FER: variants seen among roughly 807,000 people sequenced by gnomAD.
FER encodes the protein FER tyrosine kinase, also known as tyrosine-protein kinase Fer.
Under a neutral mutation model 111.0 loss-of-function variants are expected in FER, and 63 were observed. The ratio of observed to expected loss-of-function variants is 0.57; its 90% CI spans 0.46 to 0.70. FER has a LOEUF of 0.70. FER is among the 30% of genes least tolerant of loss of function. The pLI, the probability that FER is intolerant of heterozygous loss-of-function variation, is 0.00. For synonymous variants in FER, 327 were observed against 313.9 expected (o/e 1.04, Z -0.44); for missense variants, 914 against 954.0 (o/e 0.96, Z 0.55).
intron 13 of FER, among the ~76,000 whole-genome samples, chr5:108,983,628 T>C (rs919974483): frequency 6.6e-6 from 1 of 152,052 alleles, no homozygotes; most frequent in Admixed American, 6.6e-5. Flanking sequence ...ATGGAATTCC[T>C]AAGTTGAGAG....
intron 13 of FER, among the ~76,000 whole-genome samples, chr5:108,987,752 A>G (rs1211123349): frequency 1.3e-5 from 2 of 152,290 alleles, no homozygotes; most frequent in East Asian, 1.9e-4. Context: ...CAACAGTTTA[A>G]TATCCTCTTT....
intron 1 of FER, among the ~76,000 whole-genome samples, chr5:108,765,254 A>G (rs998202217): frequency 6.6e-6 from 1 of 152,214 alleles, no homozygotes; most frequent in Admixed American, 6.5e-5. Context: ...TGAATTTTAA[A>G]AAGTTCCATT....
chr5:109,042,687 A>G (rs975608243), intron 14 of FER, among the ~76,000 whole-genome samples: 6 of 152,198 alleles, frequency 3.9e-5, no homozygotes, highest in African/African-American at 1.4e-4. Context: ...CAGGAAAATC[A>G]ATTTTGGGAA....
chr5:108,992,983 C>T (rs369087513), intron 13 of FER, among the ~76,000 whole-genome samples: 27,481 of 149,980 alleles, frequency 0.18, 2,641 homozygotes, highest in Non-Finnish European at 0.22. Context: ...GATGGGATGG[C>T]GGCCGGGAAG....
intron 10 of FER, among the ~76,000 whole-genome samples, chr5:108,925,301 A>G (rs1363706459): frequency 6.6e-6 from 1 of 152,070 alleles, no homozygotes; most frequent in African/African-American, 2.4e-5. Context: ...TTTCTTGAAC[A>G]TAGGTATTTA....
chr5:108,898,498 C>CT (rs1311473137), intron 10 of FER, among the ~76,000 whole-genome samples: 92 of 143,650 alleles, frequency 6.4e-4, no homozygotes, highest in African/African-American at 2.1e-3. Flanking sequence ...TTTCCTTCCT[C>CT]TTTCTCTCTC....
intron 17 of FER, among the ~76,000 whole-genome samples, chr5:109,124,494 A>G (rs1269522348): frequency 1.3e-5 from 2 of 152,160 alleles, no homozygotes; most frequent in Non-Finnish European, 2.9e-5. Context: ...CTTCCTCTGT[A>G]TTCAGAAAAG....
chr5:109,005,708 T>C (rs1187115153), intron 13 of FER, among the ~76,000 whole-genome samples: 1 of 152,208 alleles, frequency 6.6e-6, no homozygotes, highest in African/African-American at 2.4e-5. Context: ...TGCACACCAA[T>C]GAAAGCATAC....
At chr5:108,855,365 G>A (rs1017756579) in intron 5 of FER, among the ~76,000 whole-genome samples, 2 of 152,114 alleles carry the variant, frequency 1.3e-5, no homozygotes, top group Admixed American at 6.5e-5. Flanking sequence ...GGGCGCGGTG[G>A]CTCACGCCTG....
intron 16 of FER, among the ~76,000 whole-genome samples, chr5:109,074,791 A>G (rs373742673): frequency 1.8e-4 from 27 of 152,360 alleles, no homozygotes; most frequent in African/African-American, 6.3e-4. Flanking sequence ...CTTGGCATGA[A>G]TCATTTTTCA....
At chr5:109,172,074 G>A (rs1051981588) in intron 17 of FER, among the ~76,000 whole-genome samples, 1 of 152,118 alleles carries the variant, frequency 6.6e-6, no homozygotes, top group African/African-American at 2.4e-5. Flanking sequence ...AAGTCAGTGT[G>A]GCAATTCCTC....
intron 17 of FER, among the ~76,000 whole-genome samples, chr5:109,136,037 C>T (rs1192050474): frequency 2.6e-5 from 4 of 152,046 alleles, no homozygotes; most frequent in Non-Finnish European, 5.9e-5. Flanking sequence ...AGTTGGTTAA[C>T]TTGAGGTCTG....
intron 16 of FER, among the ~76,000 whole-genome samples, chr5:109,053,846 A>C (rs1264646577): frequency 6.6e-6 from 1 of 151,804 alleles, no homozygotes; most frequent in Non-Finnish European, 1.5e-5. Context: ...ACCTGTTACC[A>C]TGCCCGGCTA....
intron 5 of FER, among the ~76,000 whole-genome samples, chr5:108,855,381 C>A (rs1296320149): frequency 2.0e-5 from 3 of 151,736 alleles, no homozygotes; most frequent in Non-Finnish European, 4.4e-5. Context: ...GCCTGTAATC[C>A]CAGCACTTTG....
chr5:108,757,260 C>T (rs1457093133), intron 1 of FER, among the ~76,000 whole-genome samples: 1 of 152,136 alleles, frequency 6.6e-6, no homozygotes, highest in Admixed American at 6.5e-5. Flanking sequence ...AGAAGCAAGA[C>T]CCTAAGATAT....
chr5:108,912,333 G>T (rs1053175628), intron 10 of FER, among the ~76,000 whole-genome samples: 4 of 152,012 alleles, frequency 2.6e-5, no homozygotes, highest in Non-Finnish European at 4.4e-5. Flanking sequence ...TGCCTAAAGG[G>T]TTTACCTTGT....
intron 10 of FER, among the ~76,000 whole-genome samples, chr5:108,910,620 A>G (rs1751413341): frequency 6.6e-6 from 1 of 151,788 alleles, no homozygotes; most frequent in Non-Finnish European, 1.5e-5. Context: ...GTAATTTTCA[A>G]CCCCCTCCGC....
intron 11 of FER, among the ~76,000 whole-genome samples, chr5:108,951,788 A>T (rs1315015079): frequency 1.3e-5 from 2 of 152,086 alleles, no homozygotes; most frequent in Non-Finnish European, 2.9e-5. Flanking sequence ...AGATATTTTT[A>T]AAAAACATTT....
Position 108,942,072 on chromosome 5 carries a change from C to T in FER, c.1237-4058C>T, listed in dbSNP as rs1329756036. Reference sequence around the variant, plus strand: ...TCCTTCCTCCTGCTTATGCTATGAACCTAAGACTGTTCTAAAAAGTAGTCT... The same window carrying T: ...TCCTTCCTCCTGCTTATGCTATGAATCTAAGACTGTTCTAAAAAGTAGTCT... On this transcript the variant is annotated intron_variant, in intron 10 of 19. Transcript: ENST00000281092. Among the ~76,000 whole-genome samples, 3 of 152,078 alleles carry T rather than the reference C, an allele frequency of 2.0e-5. No homozygotes were observed. In the East Asian group the frequency reaches 5.8e-4, roughly 29 times the overall value.
Sources: allele counts gnomAD v4.1 joint callset (sites outside exome capture counted in the v4.1 genomes callset), GRCh38; gene constraint gnomAD v4.1.1; transcripts MANE v1.5; gene names NCBI Gene and HGNC (gene_info 2026-07-23, HGNC 2026-07-21).